Variants in DLGAP1 observed in about 807,000 individuals in gnomAD.
The protein encoded by DLGAP1 is disks large-associated protein 1.
In DLGAP1, 11 loss-of-function variants were observed where a neutral mutation model predicts 90.8. The ratio of observed to expected loss-of-function variants is 0.12; its 90% CI spans 0.08 to 0.20. DLGAP1 has a LOEUF of 0.20. Among genes scored for constraint, DLGAP1 ranks in the 10% least tolerant of loss-of-function variants. The pLI, the probability that DLGAP1 is intolerant of heterozygous loss-of-function variation, is 1.00. For missense variants in DLGAP1, 1,050 were observed against 1,333.8 expected (o/e 0.79, Z 3.31); for synonymous variants, 558 against 540.7 (o/e 1.03, Z -0.44).
chr18:4,257,753 T>C (rs2078918742), intron 1 of DLGAP1, among the ~76,000 whole-genome samples: 1 of 151,320 alleles, frequency 6.6e-6, no homozygotes, highest in Admixed American at 6.6e-5. Flanking sequence ...GCCTCCCGAG[T>C]AGCTGAGACT....
At chr18:4,104,664 TTC>T (rs1182419875) in intron 2 of DLGAP1, among the ~76,000 whole-genome samples, 3 of 152,172 alleles carry the variant, frequency 2.0e-5, no homozygotes, top group African/African-American at 4.8e-5. Context: ...TTGAGACACG[TTC>T]TGTTTTTTGA....
chr18:3,659,442 A>ACCCCCCCCCC (rs1339165633), intron 7 of DLGAP1, among the ~76,000 whole-genome samples: 2 of 94,254 alleles, frequency 2.1e-5, no homozygotes, highest in Non-Finnish European at 1.9e-5. Flanking sequence ...CACGGATGCT[A>ACCCCCCCCCC]CCACCCCCCG....
chr18:3,526,420 A>G lies in DLGAP1; in HGVS notation c.2479+7774T>C, dbSNP rs2051622992. On this transcript the variant is annotated intron_variant, in intron 10 of 12. Transcript: ENST00000315677. This position sits in a 1 kb window ranked among gnomAD's most constrained non-coding sequence, Gnocchi z 4.7. ...CCAAACCTGAAACCAGGCAAACCCCATTTCAGGTGTCATTACCAGCCCCGC... is the reference window on the plus strand; with the variant it reads ...CCAAACCTGAAACCAGGCAAACCCCGTTTCAGGTGTCATTACCAGCCCCGC... Among the ~76,000 whole-genome samples the G allele has an allele frequency of 6.6e-6, 1 of 152,112 alleles. No homozygotes were observed. The highest frequency in any genetic ancestry group is 1.5e-5 in the Non-Finnish European group (1 of 68,016).
intron 7 of DLGAP1, among the ~76,000 whole-genome samples, chr18:3,600,546 T>C (rs1288168342): frequency 6.6e-6 from 1 of 151,646 alleles, no homozygotes; most frequent in African/African-American, 2.4e-5. Context: ...AGAAACATTC[T>C]TTTTATTCGT....
At chr18:4,176,762 T>G (rs1430476566) in intron 1 of DLGAP1, among the ~76,000 whole-genome samples, 3 of 152,210 alleles carry the variant, frequency 2.0e-5, no homozygotes, top group African/African-American at 7.2e-5. Flanking sequence ...TCTATTGTTC[T>G]GAGATAAGTT....
intron 3 of DLGAP1, among the ~76,000 whole-genome samples, chr18:3,930,601 G>A (rs2072495096): frequency 6.6e-6 from 1 of 152,152 alleles, no homozygotes; most frequent in Admixed American, 6.5e-5. Context: ...GCCACGGCCT[G>A]TGACTGTGCT....
chr18:4,147,361 G>T (rs534602612), intron 2 of DLGAP1, among the ~76,000 whole-genome samples: 1 of 152,228 alleles, frequency 6.6e-6, no homozygotes, highest in East Asian at 1.9e-4. Flanking sequence ...ACAATACCCG[G>T]ATATTGATAC....
chr18:4,026,171 CAA>C (rs2149121507), intron 2 of DLGAP1, among the ~76,000 whole-genome samples: 1 of 152,264 alleles, frequency 6.6e-6, no homozygotes, highest in South Asian at 2.1e-4. Context: ...CACAAACATG[CAA>C]AGTCACTAGT....
chr18:3,516,554 CT>C lies in DLGAP1; in HGVS notation c.2480-7894del, dbSNP rs369331036. The stretch of plus-strand genomic sequence containing the variant: ...AGGCTGTGGAATGGATGTCGTATTC[CT>C]CTGTTTTCACGCTACTGATAAAGAC... On this transcript the variant is annotated intron_variant, in intron 10 of 12. Transcript: ENST00000315677. 3.7e-3 allele frequency among the ~76,000 whole-genome samples: 559 copies of C among 152,192 alleles called. 6 individuals are homozygous for C. The highest frequency in any genetic ancestry group is 0.012 in the African/African-American group (517 of 41,514).
At chr18:3,524,647 C>T (rs933719891) in intron 10 of DLGAP1, among the ~76,000 whole-genome samples, 1 of 152,142 alleles carries the variant, frequency 6.6e-6, no homozygotes, top group African/African-American at 2.4e-5. Context: ...CTTTGAGTGG[C>T]TGAGGCAGGC....
At chr18:3,662,692 C>A (rs1378976631) in intron 7 of DLGAP1, among the ~76,000 whole-genome samples, 4 of 152,210 alleles carry the variant, frequency 2.6e-5, no homozygotes, top group Non-Finnish European at 5.9e-5. Context: ...GATCCAAGAG[C>A]CGCAGAGAAT....
chr18:3,999,424 G>T (rs1025958373), intron 3 of DLGAP1, among the ~76,000 whole-genome samples: 1 of 151,984 alleles, frequency 6.6e-6, no homozygotes, highest in Non-Finnish European at 1.5e-5. Flanking sequence ...CATCACTTTT[G>T]TCATATTTGT....
At chr18:3,978,264 CT>C in intron 3 of DLGAP1, 3 of 409,300 alleles carry the variant, frequency 7.3e-6, no homozygotes, top group Non-Finnish European at 1.4e-5. Context: ...GGTGATGACC[CT>C]TTTGGTACCC....
At chr18:4,173,568 A>T (rs181605351) in intron 1 of DLGAP1, among the ~76,000 whole-genome samples, 120 of 147,152 alleles carry the variant, frequency 8.2e-4, no homozygotes, top group African/African-American at 3.1e-3. Context: ...TTTGAAAATT[A>T]AAAAAAAAAT....
At chr18:4,375,048 T>C (rs573021829) in intron 1 of DLGAP1, among the ~76,000 whole-genome samples, 2 of 152,280 alleles carry the variant, frequency 1.3e-5, no homozygotes, top group Non-Finnish European at 2.9e-5. Flanking sequence ...TTCACATAAA[T>C]AAATTTGACT....
intron 7 of DLGAP1, among the ~76,000 whole-genome samples, chr18:3,662,560 G>T (rs1006495515): frequency 4.7e-4 from 72 of 152,162 alleles, no homozygotes; most frequent in African/African-American, 1.7e-3. Flanking sequence ...AAAGTGCAAA[G>T]AGTCCTTAGA....
At chr18:4,264,140 T>G (rs1181307406) in intron 1 of DLGAP1, among the ~76,000 whole-genome samples, 1 of 152,244 alleles carries the variant, frequency 6.6e-6, no homozygotes, top group African/African-American at 2.4e-5. Flanking sequence ...CTTCCTGTAT[T>G]TTTAGGAAAA....
chr18:4,087,756 T>C (rs12955186), intron 2 of DLGAP1, among the ~76,000 whole-genome samples: 50,519 of 152,018 alleles, frequency 0.33, 8,489 homozygotes, highest in African/African-American at 0.35. Context: ...ATTTATATGC[T>C]ATATATATTT....
chr18:4,298,863 C>T (rs1186084959), intron 1 of DLGAP1, among the ~76,000 whole-genome samples: 3 of 151,850 alleles, frequency 2.0e-5, no homozygotes, highest in South Asian at 2.1e-4. Context: ...GGGTGGATCA[C>T]GAGGTCAAGA....
Sources: gnomAD v4.1 joint callset for allele counts (sites outside exome capture counted in the v4.1 genomes callset) on GRCh38, gnomAD v4.1.1 for gene constraint, Gnocchi (gnomAD v3.1) non-coding constraint, MANE v1.5 for transcripts, NCBI Gene and HGNC (gene_info 2026-07-23, HGNC 2026-07-21) for gene names.